The following LAMA2 variants were observed in gnomAD, a reference collection of about 807,000 sequenced individuals.
LAMA2 encodes laminin subunit alpha-2.
In LAMA2, 269 loss-of-function variants were observed where a neutral mutation model predicts 364.8. That is an observed-to-expected ratio of 0.74 (90% CI 0.67 to 0.82). The LOEUF (loss-of-function observed/expected upper bound fraction) is 0.82. Ranked by LOEUF, LAMA2 falls within the 40% of genes least tolerant of loss-of-function variation. The probability of loss-of-function intolerance (pLI) is 0.00; values close to 1 mark genes in which losing one functional copy is unlikely to be tolerated. For missense variants in LAMA2, 3,807 were observed against 3,873.2 expected (o/e 0.98, Z 0.45); for synonymous variants, 1,379 against 1,370.6 (o/e 1.01, Z -0.14).
chr6:129,111,897 A>G (rs1337557744), intron 4 of LAMA2, among the ~76,000 whole-genome samples: 1 of 151,984 alleles, frequency 6.6e-6, no homozygotes, highest in Non-Finnish European at 1.5e-5. Flanking sequence ...GAACTACATG[A>G]AAGTTGGTGG....
At chr6:129,175,783 A>G (rs1780546579) in intron 9 of LAMA2, among the ~76,000 whole-genome samples, 1 of 152,148 alleles carries the variant, frequency 6.6e-6, no homozygotes, top group African/African-American at 2.4e-5. Context: ...TGGCACGTGC[A>G]TACCTATGTG....
chr6:129,428,749 A>G (rs867625482), intron 41 of LAMA2, among the ~76,000 whole-genome samples: 5 of 152,110 alleles, frequency 3.3e-5, no homozygotes, highest in African/African-American at 1.2e-4. Context: ...CCGGCCCTAA[A>G]TACATTTTTC....
In LAMA2 at chr6:129,460,286, C is replaced by T. The variant is rs1326553259; in HGVS notation, c.6954C>T (p.Phe2318=). 1 of 1,612,216 alleles carries T rather than the reference C, an allele frequency of 6.2e-7. No homozygotes were observed. Among genetic ancestry groups the T allele is most frequent in the South Asian group, 1.1e-5 (1 of 91,046 alleles). Residue 2318 remains phenylalanine (F), a synonymous_variant, in exon 49 of 65, where the codon TTC becomes TTT. Coordinates refer to ENST00000421865, the MANE Select transcript of LAMA2 (RefSeq NM_000426.4). The part of the protein sequence containing the change: ...FDNKPIGLWN[F]REKEGDCKGC... ...ACAAACCTATAGGTTTGTGGAATTT[C>T]CGAGAAAAAGAAGGTGACTGCAAAG... is the stretch of plus-strand genomic sequence containing the variant.
At chr6:129,428,897 C>A (rs961963001) in intron 41 of LAMA2, among the ~76,000 whole-genome samples, 1 of 152,168 alleles carries the variant, frequency 6.6e-6, no homozygotes, top group South Asian at 2.1e-4. Context: ...ATGCACTTAT[C>A]TCTTGTCTCC....
intron 2 of LAMA2, among the ~76,000 whole-genome samples, chr6:129,052,978 TCA>T (rs1194640160): frequency 6.6e-6 from 1 of 152,222 alleles, no homozygotes; most frequent in African/African-American, 2.4e-5. Context: ...GTCGTGTGTA[TCA>T]CAGAATATCA....
At chr6:129,208,723 G>GA (rs1398754562) in intron 12 of LAMA2, among the ~76,000 whole-genome samples, 3 of 134,766 alleles carry the variant, frequency 2.2e-5, no homozygotes, top group African/African-American at 7.7e-5. Flanking sequence ...GGGAGGGAGG[G>GA]AGGGAAGGAA....
At chr6:128,982,554 GT>G (rs1349729977) in intron 1 of LAMA2, among the ~76,000 whole-genome samples, 9 of 151,580 alleles carry the variant, frequency 5.9e-5, no homozygotes, top group African/African-American at 2.2e-4. Context: ...TATCACTGTT[GT>G]TTTTATTTAC....
chr6:129,161,402 C>T (rs189957579), intron 8 of LAMA2, among the ~76,000 whole-genome samples: 62 of 152,076 alleles, frequency 4.1e-4, no homozygotes, highest in African/African-American at 1.4e-3. Context: ...ATTTGTTTCC[C>T]ATTTGTGTCA....
chr6:129,396,374 A>C (rs577839340), intron 37 of LAMA2, among the ~76,000 whole-genome samples: 1 of 152,334 alleles, frequency 6.6e-6, no homozygotes, highest in South Asian at 2.1e-4. Context: ...TAACAGCATC[A>C]TAGCAGAAGT....
chr6:129,294,798 C>A (rs1348123461), intron 20 of LAMA2, among the ~76,000 whole-genome samples: 1 of 152,090 alleles, frequency 6.6e-6, no homozygotes, highest in East Asian at 1.9e-4. Flanking sequence ...GTGCATCAGG[C>A]AGGAGCATAG....
intron 1 of LAMA2, among the ~76,000 whole-genome samples, chr6:129,031,460 C>CAA (rs1786216704): frequency 6.6e-6 from 1 of 152,164 alleles, no homozygotes; most frequent in Non-Finnish European, 1.5e-5. Context: ...CCTAATTTAT[C>CAA]AACCAAACCA....
chr6:128,962,662 A>T (rs982291188), intron 1 of LAMA2, among the ~76,000 whole-genome samples: 2 of 152,194 alleles, frequency 1.3e-5, no homozygotes, highest in African/African-American at 2.4e-5. Flanking sequence ...AAAAGGCCTG[A>T]TTTACTGATT....
Position 129,456,364 on chromosome 6 carries a change from G to C in LAMA2, c.6737G>C (p.Arg2246Thr), listed in dbSNP as rs1782963984. 6.2e-7 allele frequency: 1 copy of C among 1,613,486 alleles called. No homozygotes were observed. Among genetic ancestry groups the C allele is most frequent in the Admixed American group, 1.7e-5 (1 of 59,944 alleles). ...RTGRNGTISV[R>T]ALDGPKASIV... ...GGGAGAAATGGAACTATTTCTGTGAGAGCCCTGGATGGACCCAAAGCCAGC... is the reference window on the plus strand; with the variant it reads ...GGGAGAAATGGAACTATTTCTGTGACAGCCCTGGATGGACCCAAAGCCAGC... The change falls in exon 48 of 65, where the codon AGA becomes ACA. Residue 2246 changes from arginine to threonine, a missense_variant. Arg to Thr is a moderately conservative substitution (Grantham distance 71, BLOSUM62 -1). This residue lies in a region of LAMA2 where 3,333 missense variants were observed against 3,345.7 expected (regional missense o/e 1.00). Coordinates refer to ENST00000421865, the MANE Select transcript of LAMA2 (RefSeq NM_000426.4).
intron 3 of LAMA2, among the ~76,000 whole-genome samples, chr6:129,081,210 A>G (rs1225406601): frequency 7.1e-6 from 1 of 141,408 alleles, no homozygotes; most frequent in Non-Finnish European, 1.5e-5. Flanking sequence ...ACTTGGACAC[A>G]GGGTGGGTAA....
Position 129,280,112 on chromosome 6 carries a change from A to G in LAMA2, c.2502A>G (p.Gly834=), listed in dbSNP as rs1416415825. ...LDRSLGLICD[G]CPVGYTGPRC... ...GGAGTCTTGGATTGATCTGTGATGGATGCCCTGTCGGGTACACAGGACCAC... is the reference window on the plus strand; with the variant it reads ...GGAGTCTTGGATTGATCTGTGATGGGTGCCCTGTCGGGTACACAGGACCAC... The change falls in exon 18 of 65, where the codon GGA becomes GGG. Residue 834 remains glycine (G), a synonymous_variant. Coordinates refer to ENST00000421865, the MANE Select transcript of LAMA2 (RefSeq NM_000426.4). 6.2e-7 allele frequency: 1 copy of G among 1,613,212 alleles called. No homozygotes were observed. Among genetic ancestry groups the G allele is most frequent in the Non-Finnish European group, 8.5e-7 (1 of 1,179,420 alleles).
At chr6:129,177,300 C>T (rs1780654331) in intron 9 of LAMA2, among the ~76,000 whole-genome samples, 1 of 152,104 alleles carries the variant, frequency 6.6e-6, no homozygotes, top group Non-Finnish European at 1.5e-5. Flanking sequence ...GGCTACTTTG[C>T]ACCTGTAATA....
intron 1 of LAMA2, among the ~76,000 whole-genome samples, chr6:129,021,547 CAT>C (rs1454996909): frequency 2.0e-5 from 3 of 152,110 alleles, no homozygotes; most frequent in Admixed American, 6.6e-5. Flanking sequence ...TTGCTACAAA[CAT>C]ATATAGAGTG....
chr6:129,060,696 G>A (rs1313193106), intron 3 of LAMA2, among the ~76,000 whole-genome samples: 1 of 152,176 alleles, frequency 6.6e-6, no homozygotes, highest in Non-Finnish European at 1.5e-5. Flanking sequence ...GTGTGGGGAA[G>A]CCCCCAGCCA....
chr6:129,446,539 C>T (rs188159083), intron 45 of LAMA2, among the ~76,000 whole-genome samples: 25 of 7,064 alleles, frequency 3.5e-3, no homozygotes, highest in South Asian at 0.016. Context: ...GGAGGGGAGG[C>T]GAGGGGAGGG....
Sources: gnomAD v4.1 joint callset for allele counts (sites outside exome capture counted in the v4.1 genomes callset) on GRCh38, gnomAD v4.1.1 for gene constraint, gnomAD v4.1.1 regional missense constraint, MANE v1.5 for transcripts, NCBI Gene and HGNC (gene_info 2026-07-23, HGNC 2026-07-21) for gene names.